Variants in CADPS2 observed in about 807,000 individuals in gnomAD.
CADPS2 encodes calcium-dependent secretion activator 2.
A neutral mutation model predicts 172.5 loss-of-function variants in CADPS2; 93 were observed. The observed-to-expected ratio is 0.54, with a 90% CI of 0.46 to 0.64. The LOEUF (loss-of-function observed/expected upper bound fraction) is 0.64. Among genes scored for constraint, CADPS2 ranks in the 30% least tolerant of loss-of-function variants. The probability of loss-of-function intolerance (pLI) is 0.00; values close to 1 mark genes in which losing one functional copy is unlikely to be tolerated. For missense variants in CADPS2, 1,420 were observed against 1,565.9 expected (o/e 0.91, Z 1.57); for synonymous variants, 546 against 555.2 (o/e 0.98, Z 0.23).
At chr7:122,590,081 C>T (rs2070523262) in intron 6 of CADPS2, among the ~76,000 whole-genome samples, 2 of 151,796 alleles carry the variant, frequency 1.3e-5, no homozygotes, top group Non-Finnish European at 2.9e-5. Context: ...AAAATCCTAA[C>T]ATTTGCAGAA....
At chr7:122,662,666 C>T (rs190327202) in intron 3 of CADPS2, among the ~76,000 whole-genome samples, 49 of 152,266 alleles carry the variant, frequency 3.2e-4, no homozygotes, top group African/African-American at 9.6e-4. Context: ...AGCCACCATG[C>T]CTGGCCTTTA....
chr7:122,742,723 C>T (rs898858836), intron 1 of CADPS2, among the ~76,000 whole-genome samples: 1 of 152,174 alleles, frequency 6.6e-6, no homozygotes, highest in African/African-American at 2.4e-5. Context: ...CCTCAGTAAG[C>T]CATGTTCCAT....
chr7:122,371,600 A>C (rs2151271056), intron 25 of CADPS2, among the ~76,000 whole-genome samples: 1 of 152,338 alleles, frequency 6.6e-6, no homozygotes, highest in Non-Finnish European at 1.5e-5. Context: ...GGGTGGGAAC[A>C]CAGCCAAACC....
intron 1 of CADPS2, among the ~76,000 whole-genome samples, chr7:122,844,179 T>C (rs1367483909): frequency 6.6e-6 from 1 of 152,096 alleles, no homozygotes; most frequent in African/African-American, 2.4e-5. Flanking sequence ...AAGTTACAGG[T>C]TGGGGTTAAC....
At chr7:122,738,608 A>G (rs1302826770) in intron 1 of CADPS2, among the ~76,000 whole-genome samples, 1 of 152,166 alleles carries the variant, frequency 6.6e-6, no homozygotes, top group Non-Finnish European at 1.5e-5. Flanking sequence ...TAAAATGATT[A>G]AAGGATTAGG....
chr7:122,625,665 C>T (rs1031009042), intron 4 of CADPS2, among the ~76,000 whole-genome samples: 1 of 152,040 alleles, frequency 6.6e-6, no homozygotes, highest in Non-Finnish European at 1.5e-5. Context: ...CATCAACCCT[C>T]ACCTGAATTT....
At chr7:122,460,853 A>G (rs940574508) in intron 14 of CADPS2, among the ~76,000 whole-genome samples, 5 of 152,192 alleles carry the variant, frequency 3.3e-5, no homozygotes, top group Admixed American at 6.5e-5. Flanking sequence ...TAATAAATCA[A>G]TAAGTGAGTG....
intron 2 of CADPS2, among the ~76,000 whole-genome samples, chr7:122,731,054 C>A (rs1400411569): frequency 1.6e-5 from 2 of 128,250 alleles, no homozygotes; most frequent in Middle Eastern, 5.0e-3. Flanking sequence ...GAAATCTGAA[C>A]AGCAAATGGT....
chr7:122,453,515 T>C (rs2053392113), intron 14 of CADPS2, among the ~76,000 whole-genome samples: 1 of 152,194 alleles, frequency 6.6e-6, no homozygotes, highest in Non-Finnish European at 1.5e-5. Flanking sequence ...AATTACATTA[T>C]CATGTAGACA....
chr7:122,431,992 A>G (rs1452292693), intron 17 of CADPS2, among the ~76,000 whole-genome samples: 1 of 152,198 alleles, frequency 6.6e-6, no homozygotes, highest in African/African-American at 2.4e-5. Flanking sequence ...AATGCTTAGA[A>G]TAGTGCCTGG....
intron 2 of CADPS2, among the ~76,000 whole-genome samples, chr7:122,707,184 A>T (rs967767496): frequency 7.2e-5 from 11 of 151,944 alleles, no homozygotes; most frequent in African/African-American, 2.7e-4. Context: ...TATGCACTGT[A>T]CACAAGGCAC....
chr7:122,406,680 A>G (rs2046686854), intron 20 of CADPS2, among the ~76,000 whole-genome samples: 1 of 152,188 alleles, frequency 6.6e-6, no homozygotes, highest in Non-Finnish European at 1.5e-5. Context: ...AGAGTAGCAG[A>G]AGAAAATACA....
At chr7:122,466,236 T>C (rs982879874) in intron 14 of CADPS2, among the ~76,000 whole-genome samples, 10 of 152,238 alleles carry the variant, frequency 6.6e-5, no homozygotes, top group African/African-American at 1.4e-4. Context: ...TTTTATTTAA[T>C]ATCTCACAAA....
chr7:122,726,048 CT>C (rs2091049548), intron 2 of CADPS2, among the ~76,000 whole-genome samples: 1 of 151,658 alleles, frequency 6.6e-6, no homozygotes, highest in African/African-American at 2.4e-5. Flanking sequence ...TAAATTTTAA[CT>C]CACCAGCTTA....
At chr7:122,826,845 AT>A in intron 1 of CADPS2, among the ~76,000 whole-genome samples, 1 of 152,226 alleles carries the variant, frequency 6.6e-6, no homozygotes, top group African/African-American at 2.4e-5. Flanking sequence ...AGAAAAAAAA[AT>A]GTCTACAATA....
chr7:122,645,367 G>GTGTGTATACATGTACA (rs2078261083), intron 3 of CADPS2, among the ~76,000 whole-genome samples: 1 of 95,246 alleles, frequency 1.0e-5, no homozygotes, highest in South Asian at 2.7e-4. Context: ...ACATGTACAT[G>GTGTGTATACATGTACA]TATACACACA....
chr7:122,701,507 G>T (rs1219285832), intron 2 of CADPS2, among the ~76,000 whole-genome samples: 1 of 152,038 alleles, frequency 6.6e-6, no homozygotes, highest in Non-Finnish European at 1.5e-5. Context: ...GAGTTACTGG[G>T]TGCAGCACAC....
rs74538319 is a variant in CADPS2, at chr7:122,405,575, A to G, written c.2746+1965T>C. Among the ~76,000 whole-genome samples the G allele has an allele frequency of 2.2e-4, 33 of 152,176 alleles. No homozygotes were observed. In the East Asian group the frequency reaches 5.8e-3, roughly 27 times the overall value. ...CTACTTGGGAGGCTGAGGCATGAGAATCGCTTGAACTTCGGAGGCCACTGG... is the reference window on the plus strand; with the variant it reads ...CTACTTGGGAGGCTGAGGCATGAGAGTCGCTTGAACTTCGGAGGCCACTGG... On this transcript the variant is annotated intron_variant, in intron 20 of 29. Coordinates refer to ENST00000449022, the MANE Select transcript of CADPS2 (RefSeq NM_017954.11).
chr7:122,367,992 T>G (rs1302481981), intron 25 of CADPS2: 1 of 152,338 alleles, frequency 6.6e-6, no homozygotes, highest in Non-Finnish European at 1.5e-5. Context: ...TCTCTGACTC[T>G]TTTCTTTTGC....
Sources: allele counts gnomAD v4.1 joint callset (sites outside exome capture counted in the v4.1 genomes callset), GRCh38; gene constraint gnomAD v4.1.1; transcripts MANE v1.5; gene names NCBI Gene and HGNC (gene_info 2026-07-23, HGNC 2026-07-21).